Variants in RGS7 observed in about 807,000 individuals in gnomAD.
The protein encoded by RGS7 is regulator of G-protein signaling 7.
In RGS7, 27 loss-of-function variants were observed where a neutral mutation model predicts 81.1. That is an observed-to-expected ratio of 0.33 (90% CI 0.25 to 0.46). The LOEUF (loss-of-function observed/expected upper bound fraction) is 0.46. Among genes scored for constraint, RGS7 ranks in the 20% least tolerant of loss-of-function variants. The pLI, the probability that RGS7 is intolerant of heterozygous loss-of-function variation, is 1.00. For missense variants in RGS7, 396 were observed against 607.4 expected, an observed-to-expected ratio of 0.65 and a Z score of 3.66; for synonymous variants, 208 against 207.7, an observed-to-expected ratio of 1.00 and a Z score of -0.01.
intron 6 of RGS7, among the ~76,000 whole-genome samples, chr1:240,904,808 A>G (rs1670561223): frequency 6.6e-6 from 1 of 152,258 alleles, no homozygotes; most frequent in Non-Finnish European, 1.5e-5. Context: ...GGATATAAAC[A>G]TATTTTTAAA....
At chr1:240,992,364 C>T (rs182610512) in intron 3 of RGS7, among the ~76,000 whole-genome samples, 112 of 152,136 alleles carry the variant, frequency 7.4e-4, no homozygotes, top group African/African-American at 2.6e-3. Context: ...ATTAGCCAGG[C>T]GTGGTGGCGT....
At chr1:241,350,277 A>C (rs760087494) in intron 2 of RGS7, among the ~76,000 whole-genome samples, 9 of 152,222 alleles carry the variant, frequency 5.9e-5, no homozygotes, top group Non-Finnish European at 1.2e-4. Flanking sequence ...GGTACATGTC[A>C]GTATTAGTAT....
At chr1:241,134,970 T>C (rs1202429048) in intron 2 of RGS7, among the ~76,000 whole-genome samples, 5 of 151,488 alleles carry the variant, frequency 3.3e-5, no homozygotes, top group Non-Finnish European at 1.5e-5. Context: ...GGAAGACACC[T>C]ACCTCTGAAG....
intron 2 of RGS7, among the ~76,000 whole-genome samples, chr1:241,224,217 A>T (rs776697141): frequency 1.3e-5 from 2 of 152,000 alleles, no homozygotes; most frequent in Non-Finnish European, 2.9e-5. Context: ...ACCTACATTA[A>T]ATAATTCTCC....
chr1:240,782,030 G>C (rs925367011), intron 18 of RGS7, among the ~76,000 whole-genome samples: 1 of 151,330 alleles, frequency 6.6e-6, no homozygotes, highest in Non-Finnish European at 1.5e-5. Flanking sequence ...AAAAAAAAGA[G>C]ATCTTAAGTG....
At chr1:241,078,269 CAT>C (rs1181855398) in intron 3 of RGS7, among the ~76,000 whole-genome samples, 1 of 144,830 alleles carries the variant, frequency 6.9e-6, no homozygotes, top group African/African-American at 2.5e-5. Flanking sequence ...AAACATATAA[CAT>C]ATTTTTCCTG....
chr1:240,968,919 G>T (rs1682762062), intron 4 of RGS7, among the ~76,000 whole-genome samples: 1 of 152,110 alleles, frequency 6.6e-6, no homozygotes, highest in African/African-American at 2.4e-5. Flanking sequence ...ATACAGGAGG[G>T]GGAAAACCTA....
chr1:241,236,536 A>G (rs1399523810), intron 2 of RGS7, among the ~76,000 whole-genome samples: 2 of 152,162 alleles, frequency 1.3e-5, no homozygotes, highest in African/African-American at 2.4e-5. Flanking sequence ...ATATAAACAC[A>G]TTGGTTATGG....
chr1:241,054,407 G>T (rs2061387830), intron 3 of RGS7, among the ~76,000 whole-genome samples: 2 of 152,102 alleles, frequency 1.3e-5, no homozygotes, highest in Non-Finnish European at 2.9e-5. Flanking sequence ...GTTTCCCAGG[G>T]TTTGATTCTC....
At chr1:240,813,406 C>G (rs997815246) in intron 13 of RGS7, among the ~76,000 whole-genome samples, 1 of 151,476 alleles carries the variant, frequency 6.6e-6, no homozygotes, top group Non-Finnish European at 1.5e-5. Context: ...GTCTTTCCAG[C>G]AATGCAAATC....
chr1:241,236,821 A>T (rs1213925624), intron 2 of RGS7, among the ~76,000 whole-genome samples: 1 of 133,214 alleles, frequency 7.5e-6, no homozygotes, highest in East Asian at 2.1e-4. Flanking sequence ...ACTCAACATA[A>T]TTCTAGGATC....
chr1:240,852,290 T>C (rs1660253207), intron 9 of RGS7, among the ~76,000 whole-genome samples: 1 of 152,252 alleles, frequency 6.6e-6, no homozygotes, highest in African/African-American at 2.4e-5. Flanking sequence ...AGATGATTGT[T>C]ATCATTTTTC....
chr1:241,134,706 T>C (rs1289465753), intron 2 of RGS7, among the ~76,000 whole-genome samples: 1 of 152,038 alleles, frequency 6.6e-6, no homozygotes, highest in African/African-American at 2.4e-5. Context: ...GGGAGAGAGT[T>C]GAAGCAGAGT....
intron 10 of RGS7, among the ~76,000 whole-genome samples, chr1:240,823,630 A>G (rs745639508): frequency 6.6e-6 from 1 of 152,066 alleles, no homozygotes; most frequent in Non-Finnish European, 1.5e-5. Context: ...GAGGCAACCA[A>G]CCCAACAAAA....
intron 3 of RGS7, among the ~76,000 whole-genome samples, chr1:241,094,238 AACACAC>A (rs149481776): frequency 3.1e-3 from 427 of 136,458 alleles, no homozygotes; most frequent in African/African-American, 7.7e-3. Context: ...GACATACATA[AACACAC>A]ACACACACAC....
chr1:241,078,489 G>A (rs2062956910), intron 3 of RGS7, among the ~76,000 whole-genome samples: 1 of 151,452 alleles, frequency 6.6e-6, no homozygotes, highest in East Asian at 1.9e-4. Flanking sequence ...TAAGTTATGT[G>A]TGTGTGTGTG....
At position 241,271,147 on chromosome 1, in the gene RGS7, C is replaced by T. The variant is rs1048010476; in HGVS notation, c.78+84552G>A. Among the ~76,000 whole-genome samples the T allele has an allele frequency of 6.6e-6, 1 of 152,214 alleles. No individual in the cohort carries two copies. Among genetic ancestry groups the T allele is most frequent in the East Asian group, 1.9e-4 (1 of 5,174 alleles). On this transcript the variant is annotated intron_variant, in intron 2 of 18. Transcript: ENST00000440928. This position sits in a 1 kb window ranked among gnomAD's most constrained non-coding sequence, Gnocchi z 4.6. ...TGTGAACCTGAGTATTTTCTATTGG[C>T]GGGAACTTACGTGGCTAAAACGTCT...
At chr1:240,943,912 T>C (rs1165797942) in intron 4 of RGS7, among the ~76,000 whole-genome samples, 2 of 151,920 alleles carry the variant, frequency 1.3e-5, no homozygotes, top group Non-Finnish European at 2.9e-5. Flanking sequence ...GAATGGGAGA[T>C]GAATTCTTAG....
At chr1:241,307,867 G>T (rs1402969638) in intron 2 of RGS7, among the ~76,000 whole-genome samples, 4 of 152,102 alleles carry the variant, frequency 2.6e-5, no homozygotes, top group African/African-American at 9.7e-5. Flanking sequence ...ACATTGGGTG[G>T]GTGTCCTCAG....
Sources: gnomAD v4.1 joint callset for allele counts (sites outside exome capture counted in the v4.1 genomes callset) on GRCh38, gnomAD v4.1.1 for gene constraint, Gnocchi (gnomAD v3.1) non-coding constraint, MANE v1.5 for transcripts, NCBI Gene and HGNC (gene_info 2026-07-23, HGNC 2026-07-21) for gene names.